Variants in ACTR3C observed in about 807,000 individuals in gnomAD.
ACTR3C encodes actin-related protein 3C.
Under a neutral mutation model 26.3 loss-of-function variants are expected in ACTR3C, and 18 were observed. That is an observed-to-expected ratio of 0.68 (90% CI 0.47 to 1.01). The LOEUF (loss-of-function observed/expected upper bound fraction) is 1.01, where lower values mean the gene tolerates loss of function less well. Among genes scored for constraint, ACTR3C ranks in the 50% least tolerant of loss-of-function variants. The pLI, the probability that ACTR3C is intolerant of heterozygous loss-of-function variation, is 0.00. For missense variants in ACTR3C, 184 were observed against 250.7 expected (o/e 0.73, Z 1.80); for synonymous variants, 55 against 94.5 (o/e 0.58, Z 2.42).
At chr7:150,232,910 A>G in the ACTR3C span, among the ~76,000 whole-genome samples, 1 of 152,286 alleles carries the variant, frequency 6.6e-6, no homozygotes, top group South Asian at 2.1e-4. Context: ...TTTAAATGAC[A>G]CTATGCCACC....
the ACTR3C span, among the ~76,000 whole-genome samples, chr7:149,911,070 C>A: frequency 2.0e-5 from 3 of 152,042 alleles, no homozygotes; most frequent in East Asian, 1.9e-4. Context: ...AACTCCACTC[C>A]GGGGTTCCAC....
chr7:149,923,380 C>A, the ACTR3C span, among the ~76,000 whole-genome samples: 1 of 151,874 alleles, frequency 6.6e-6, no homozygotes. Context: ...TGGGTACAGA[C>A]AATTCAGAAA....
chr7:150,083,484 T>G, the ACTR3C span, among the ~76,000 whole-genome samples: 116 of 152,126 alleles, frequency 7.6e-4, no homozygotes, highest in Admixed American at 1.6e-3. Context: ...GGAGGAACAC[T>G]TGCGTTTAGG....
At chr7:150,190,160 A>G in the ACTR3C span, among the ~76,000 whole-genome samples, 1 of 152,210 alleles carries the variant, frequency 6.6e-6, no homozygotes, top group Non-Finnish European at 1.5e-5. Flanking sequence ...CATAATGACT[A>G]ATGATATTGA....
chr7:150,011,133 T>C, the ACTR3C span, among the ~76,000 whole-genome samples: 2 of 152,162 alleles, frequency 1.3e-5, no homozygotes, highest in African/African-American at 4.8e-5. Flanking sequence ...GCCCTTCTCA[T>C]ATTTGTATTC....
At chr7:150,035,379 C>T in the ACTR3C span, among the ~76,000 whole-genome samples, 2 of 49,240 alleles carry the variant, frequency 4.1e-5, 1 homozygote, top group Admixed American at 3.7e-4. Context: ...GGTGCCTCCC[C>T]CTCGTGCGAT....
chr7:149,930,480 G>A, the ACTR3C span, among the ~76,000 whole-genome samples: 5 of 152,182 alleles, frequency 3.3e-5, no homozygotes, highest in East Asian at 9.6e-4. Context: ...CCAGCTTTCA[G>A]TAGCAGTTCA....
the ACTR3C span, among the ~76,000 whole-genome samples, chr7:150,037,154 CT>C: frequency 2.1e-4 from 12 of 57,972 alleles, 1 homozygote; most frequent in African/African-American, 8.1e-4. Context: ...TGGGGGGTGC[CT>C]CCCCCCCTGT....
the ACTR3C span, among the ~76,000 whole-genome samples, chr7:150,188,879 T>A: frequency 6.6e-6 from 1 of 150,468 alleles, no homozygotes; most frequent in Non-Finnish European, 1.5e-5. Context: ...TTCTAAGCCC[T>A]CTCCAGGGAC....
At chr7:149,944,660 G>GA in the ACTR3C span, among the ~76,000 whole-genome samples, 1 of 151,698 alleles carries the variant, frequency 6.6e-6, no homozygotes, top group African/African-American at 2.4e-5. Context: ...TGCCTCCTGT[G>GA]AAAAAATTAT....
intron 1 of ACTR3C, among the ~76,000 whole-genome samples, chr7:150,298,835 A>G (rs1315475515): frequency 6.6e-6 from 1 of 151,198 alleles, no homozygotes; most frequent in Non-Finnish European, 1.5e-5. Flanking sequence ...CCATCACTAA[A>G]CACTTTGGAA....
chr7:150,177,364 A>G, the ACTR3C span, among the ~76,000 whole-genome samples: 2 of 150,874 alleles, frequency 1.3e-5, no homozygotes, highest in East Asian at 3.9e-4. Context: ...ACCTTTGAAG[A>G]AGATTATATA....
chr7:150,047,856 G>A, the ACTR3C span: 6 of 1,498,904 alleles, frequency 4.0e-6, no homozygotes, highest in South Asian at 1.2e-5. Flanking sequence ...CGAAGCCATC[G>A]GGCACCGCGC....
chr7:150,306,228 A>G (rs975705670), intron 1 of ACTR3C, among the ~76,000 whole-genome samples: 1 of 151,906 alleles, frequency 6.6e-6, no homozygotes, highest in Non-Finnish European at 1.5e-5. Flanking sequence ...ACATTTTACT[A>G]TCTCATGTAT....
At chr7:149,906,308 T>A in the ACTR3C span, among the ~76,000 whole-genome samples, 1 of 151,198 alleles carries the variant, frequency 6.6e-6, no homozygotes, top group South Asian at 2.1e-4. Context: ...CAACCTATAA[T>A]GTGCCATTTA....
At chr7:150,010,427 T>C in the ACTR3C span, among the ~76,000 whole-genome samples, 3 of 152,094 alleles carry the variant, frequency 2.0e-5, no homozygotes, top group Non-Finnish European at 4.4e-5. Context: ...ACTGGGCCCT[T>C]AGCAATATAC....
chr7:150,318,565 C>G (rs1051508608), intron 1 of ACTR3C, among the ~76,000 whole-genome samples: 7 of 152,152 alleles, frequency 4.6e-5, no homozygotes, highest in African/African-American at 1.4e-4. Flanking sequence ...AGTTCAAGAC[C>G]AGCCTGGCCA....
chr7:149,882,569 G>A, the ACTR3C span, among the ~76,000 whole-genome samples: 4 of 152,174 alleles, frequency 2.6e-5, no homozygotes, highest in Admixed American at 6.5e-5. Context: ...CCACTCCCTG[G>A]CACGATCTGG....
At chr7:150,244,335 C>G (rs1017212480), downstream of ACTR3C, 4 of 146,452 alleles carry the variant, frequency 2.7e-5, no homozygotes, top group Admixed American at 6.9e-5. Context: ...ATTGAATATT[C>G]AATATTCAAT....
Sources: allele counts gnomAD v4.1 joint callset (sites outside exome capture counted in the v4.1 genomes callset), GRCh38; gene constraint gnomAD v4.1.1; transcripts MANE v1.5; gene names NCBI Gene and HGNC (gene_info 2026-07-23, HGNC 2026-07-21).